HNF4G: variants seen among roughly 807,000 people sequenced by gnomAD.
The protein encoded by HNF4G is hepatocyte nuclear factor 4-gamma.
Under a neutral mutation model 50.9 loss-of-function variants are expected in HNF4G, and 21 were observed. The observed-to-expected ratio is 0.41, with a 90% CI of 0.29 to 0.59. The LOEUF (loss-of-function observed/expected upper bound fraction) is 0.59, where lower values mean the gene tolerates loss of function less well. Among genes scored for constraint, HNF4G ranks in the 20% least tolerant of loss-of-function variants. The pLI, the probability that HNF4G is intolerant of heterozygous loss-of-function variation, is 0.26. For missense variants in HNF4G, 527 were observed against 559.4 expected, an observed-to-expected ratio of 0.94 and a Z score of 0.58; for synonymous variants, 198 against 185.6, an observed-to-expected ratio of 1.07 and a Z score of -0.54.
At position 75,556,026 on chromosome 8, in the gene HNF4G, A is replaced by C. The variant is rs749450869; in HGVS notation, c.690A>C (p.Gly230=). ...ACGCAGGGGAGCACTTACTGCTTGG[A>C]GCTACAAAGAGATCCATGATGTATA... The part of the protein sequence containing the change: ...RAHAGEHLLL[G]ATKRSMMYKD... Residue 230 remains glycine (G), a synonymous_variant, in exon 6 of 10, where the codon GGA becomes GGC. Transcript: ENST00000396423. 3 of 1,586,826 alleles carry C rather than the reference A, an allele frequency of 1.9e-6. No individual in the cohort carries two copies. The Admixed American group carries it at 5.2e-5, about 27-fold the overall frequency.
intron 1 of HNF4G, chr8:75,408,273 G>C (rs1309062565): frequency 6.6e-6 from 1 of 152,594 alleles, no homozygotes; most frequent in East Asian, 1.9e-4. Context: ...GAGAGAGAGA[G>C]AGAGAGTTGT....
chr8:75,474,178 A>G (rs1348945356), intron 1 of HNF4G, among the ~76,000 whole-genome samples: 2 of 152,202 alleles, frequency 1.3e-5, no homozygotes, highest in Admixed American at 6.5e-5. Flanking sequence ...GATGGGAGGG[A>G]TACTGGATAT....
At chr8:75,531,342 T>C (rs562382393) in intron 2 of HNF4G, among the ~76,000 whole-genome samples, 1 of 152,304 alleles carries the variant, frequency 6.6e-6, no homozygotes, top group Admixed American at 6.5e-5. Context: ...CCTAGACATA[T>C]GGTAAAACTC....
At chr8:75,447,518 C>T (rs963263829) in intron 1 of HNF4G, among the ~76,000 whole-genome samples, 3 of 146,026 alleles carry the variant, frequency 2.1e-5, no homozygotes, top group East Asian at 2.1e-4. Context: ...GGAGAAAATT[C>T]TTGCAACCTA....
chr8:75,563,367 C>T (rs906965859), intron 9 of HNF4G, among the ~76,000 whole-genome samples: 6 of 151,568 alleles, frequency 4.0e-5, no homozygotes, highest in African/African-American at 1.5e-4. Flanking sequence ...ATTACTCAGG[C>T]TTGCTCTTTG....
At chr8:75,414,490 C>T (rs1010199278) in intron 1 of HNF4G, among the ~76,000 whole-genome samples, 3 of 152,054 alleles carry the variant, frequency 2.0e-5, no homozygotes, top group Admixed American at 6.6e-5. Flanking sequence ...TGAATATAGC[C>T]AACACCTCCA....
At position 75,410,906 on chromosome 8, in the gene HNF4G, G is replaced by A. The variant is rs149881228; in HGVS notation, c.-144+2744G>A. Among the ~76,000 whole-genome samples, 592 of 152,270 alleles carry A rather than the reference G, an allele frequency of 3.9e-3. 3 individuals carry two copies. Among genetic ancestry groups the A allele is most frequent in the African/African-American group, 0.014 (573 of 41,540 alleles). On this transcript the variant is annotated intron_variant, in intron 1 of 10. Transcript: ENST00000354370. ...AAATATGGCTTACTCTTATTCTTAT[G>A]TTTTAAAGAATACGCACGCACACAC...
upstream of HNF4G, among the ~76,000 whole-genome samples, chr8:75,535,829 C>T (rs1265433081): frequency 6.6e-6 from 1 of 151,936 alleles, no homozygotes; most frequent in East Asian, 1.9e-4. Flanking sequence ...ATTTAAATGA[C>T]TTAATGGTCT....
At chr8:75,523,813 G>A (rs1806110093) in intron 2 of HNF4G, among the ~76,000 whole-genome samples, 1 of 151,844 alleles carries the variant, frequency 6.6e-6, no homozygotes, top group Non-Finnish European at 1.5e-5. Flanking sequence ...TATAACTGAT[G>A]AGAAACAAAT....
chr8:75,540,087 TATC>T lies in HNF4G; in HGVS notation c.118+11_118+13del, dbSNP rs202115462. ...ATTCTATATAATTCAAGTGGTGAGT[TATC>T]ATCTGTTTATAGATGTAAAGAAAAG... is the stretch of plus-strand genomic sequence containing the variant. On this transcript the variant is annotated splice_region_variant and intron_variant, in intron 1 of 9. Transcript: ENST00000396423. 3,351 of 1,425,354 alleles carry T rather than the reference TATC, an allele frequency of 2.4e-3. 32 individuals are homozygous for T. In the African/African-American group the frequency reaches 0.028, roughly 12 times the overall value. 88.3% of individuals were successfully genotyped at this position (1,425,354 alleles called of 1,614,324 possible).
intron 4 of HNF4G, 74 bp downstream of exon 4, chr8:75,551,568 T>C: frequency 1.1e-6 from 1 of 870,400 alleles, no homozygotes; most frequent in Non-Finnish European, 1.9e-6. Flanking sequence ...GCTAAAATAA[T>C]CTAAGTTTTT....
At chr8:75,424,851 C>T (rs1218696755) in intron 1 of HNF4G, among the ~76,000 whole-genome samples, 3 of 152,104 alleles carry the variant, frequency 2.0e-5, no homozygotes, top group Admixed American at 6.6e-5. Context: ...CTGCGATGAA[C>T]ATACAAATGC....
intron 1 of HNF4G, among the ~76,000 whole-genome samples, chr8:75,457,325 T>C (rs1413274573): frequency 6.6e-6 from 1 of 152,216 alleles, no homozygotes; most frequent in Non-Finnish European, 1.5e-5. Context: ...ATGTTCCTTA[T>C]TTGACATAAT....
chr8:75,513,248 G>A (rs1176280813), intron 2 of HNF4G, among the ~76,000 whole-genome samples: 2 of 152,086 alleles, frequency 1.3e-5, no homozygotes, highest in Admixed American at 6.5e-5. Flanking sequence ...ACGTTGGCCA[G>A]GCTAGTCTTG....
At chr8:75,408,345 TG>T (rs749733538) in intron 1 of HNF4G, among the ~76,000 whole-genome samples, 3 of 152,146 alleles carry the variant, frequency 2.0e-5, no homozygotes, top group South Asian at 4.1e-4. Context: ...CCCAGGTCTC[TG>T]GGGGGTCTTC....
intron 6 of HNF4G, among the ~76,000 whole-genome samples, chr8:75,557,273 T>A (rs73331866): frequency 6.6e-6 from 1 of 152,196 alleles, no homozygotes; most frequent in East Asian, 1.9e-4. Flanking sequence ...AGGTGAAATA[T>A]ATGTTAATGA....
At chr8:75,449,530 G>T (rs200455306) in intron 1 of HNF4G, among the ~76,000 whole-genome samples, 2 of 118,854 alleles carry the variant, frequency 1.7e-5, no homozygotes, top group African/African-American at 3.5e-5. Flanking sequence ...TTTTTGAGAC[G>T]GAGTCTCACT....
At chr8:75,562,487 A>G (rs1490567842) in intron 9 of HNF4G, among the ~76,000 whole-genome samples, 1 of 152,162 alleles carries the variant, frequency 6.6e-6, no homozygotes, top group Admixed American at 6.6e-5. Context: ...AGAGAGGGGC[A>G]AGCCTAATAC....
In HNF4G at chr8:75,563,887, G is replaced by T. The variant is rs548415777; in HGVS notation, c.1247-88G>T. On this transcript the variant is annotated intron_variant, in intron 9 of 9. Coordinates refer to ENST00000396423, the MANE Select transcript of HNF4G (RefSeq NM_004133.5). ...TATTTTAAAAACATTTCCAAATTAC[G>T]CTAATGTGTATTGGTGTTATGTAGG... 2.9e-6 allele frequency: 4 copies of T among 1,390,398 alleles called. No individual in the cohort carries two copies. The African/African-American group carries it at 4.3e-5, about 15-fold the overall frequency. 86.1% of individuals were successfully genotyped at this position (1,390,398 alleles called of 1,614,324 possible).
Sources: gnomAD v4.1 joint callset for allele counts (sites outside exome capture counted in the v4.1 genomes callset) on GRCh38, gnomAD v4.1.1 for gene constraint, MANE v1.5 for transcripts, NCBI Gene and HGNC (gene_info 2026-07-23, HGNC 2026-07-21) for gene names.